Variants in ADCY3 observed in about 807,000 individuals in gnomAD.
The protein encoded by ADCY3 is adenylate cyclase 3.
ADCY3 carries 70 observed loss-of-function variants against 119.4 expected under a neutral mutation model. The ratio of observed to expected loss-of-function variants is 0.59; its 90% CI spans 0.48 to 0.72. The LOEUF is 0.72. ADCY3 is among the 30% of genes least tolerant of loss of function. The pLI is 0.00. For missense variants in ADCY3, 1,238 were observed against 1,541.6 expected, an observed-to-expected ratio of 0.80 and a Z score of 3.30; for synonymous variants, 672 against 621.4, an observed-to-expected ratio of 1.08 and a Z score of -1.21.
rs1421724973 is a variant in ADCY3 at position 24,842,731 on chromosome 2, C to T, written c.826-347G>A. 3.3e-6 allele frequency: 1 copy of T among 300,812 alleles called. No individual in the cohort carries two copies. Among genetic ancestry groups the T allele is most frequent in the Non-Finnish European group, 6.5e-6 (1 of 153,834 alleles). 18.6% of individuals were successfully genotyped at this position (300,812 alleles called of 1,614,324 possible). ...CACCGTGAGCCCTCCCGGCAGGAGC[C>T]CTGCGGGGTCACCTCAGCCACCCGC... On this transcript the variant is annotated intron_variant, in intron 3 of 21. Transcript: ENST00000679454. This position sits in a 1 kb window ranked among gnomAD's most constrained non-coding sequence, Gnocchi z 4.9.
At chr2:24,865,762 A>C (rs2148764375) in intron 3 of ADCY3, among the ~76,000 whole-genome samples, 1 of 152,344 alleles carries the variant, frequency 6.6e-6, no homozygotes, top group African/African-American at 2.4e-5. Context: ...GATAAAATAC[A>C]TAAAAAGAAC....
chr2:24,883,451 TGGGCTGGCCAC>T (rs2148889650), intron 2 of ADCY3, among the ~76,000 whole-genome samples: 1 of 152,308 alleles, frequency 6.6e-6, no homozygotes, highest in South Asian at 2.1e-4. Flanking sequence ...AAGGAAAGCT[TGGGCTGGCCAC>T]ACTCAGTTGG....
chr2:24,825,921 G>A (rs533991721), intron 16 of ADCY3, 124 bp downstream of exon 16: 330 of 889,586 alleles, frequency 3.7e-4, no homozygotes, highest in African/African-American at 7.1e-4. Flanking sequence ...CCAGGCTCAC[G>A]TGTGGGGCTG....
Position 24,841,607 on chromosome 2 carries a change from C to T in ADCY3, c.1017G>A (p.Glu339=), listed in dbSNP as rs1236895062. The T allele has an allele frequency of 5.0e-6, 8 of 1,613,582 alleles. No homozygotes were observed. The highest frequency in any genetic ancestry group is 6.8e-6 in the Non-Finnish European group (8 of 1,180,012). ...TQLSSACSAQ[E]LVKLLNELFA... ...AGAGCTCGTTGAGCAGCTTCACAAG[C>T]TCCTGGGCACTGCAGGCAGAAGACA... The change falls in exon 5 of 22, where the codon GAG becomes GAA. Residue 339 remains glutamate, a synonymous_variant. Transcript: ENST00000679454. The surrounding 1 kb of genome is among the most constrained non-coding windows in gnomAD (Gnocchi z 5.8).
chr2:24,910,018 C>G (rs1663383823), intron 2 of ADCY3, among the ~76,000 whole-genome samples: 1 of 152,134 alleles, frequency 6.6e-6, no homozygotes, highest in African/African-American at 2.4e-5. Flanking sequence ...AGGAGGAGCT[C>G]TGAGGCTCCA....
intron 3 of ADCY3, among the ~76,000 whole-genome samples, chr2:24,858,050 GTGC>G (rs1160558504): frequency 6.9e-6 from 1 of 145,598 alleles, no homozygotes; most frequent in Non-Finnish European, 1.5e-5. Flanking sequence ...CCAGGCTGGA[GTGC>G]TGAAGTGTAG....
intron 3 of ADCY3, among the ~76,000 whole-genome samples, chr2:24,868,512 G>A (rs1421692141): frequency 1.3e-5 from 2 of 151,854 alleles, no homozygotes; most frequent in Non-Finnish European, 2.9e-5. Flanking sequence ...TTAGCCGGGC[G>A]TGTTCCCAGC....
rs1399963273 is a variant in ADCY3 at position 24,899,081 on chromosome 2, C to A, written c.675+19232G>T. Among the ~76,000 whole-genome samples, 1 of 152,150 alleles carries A rather than the reference C, an allele frequency of 6.6e-6. No individual in the cohort carries two copies. The highest frequency in any genetic ancestry group is 1.9e-4 in the East Asian group (1 of 5,182). On this transcript the variant is annotated intron_variant, in intron 2 of 21. Transcript: ENST00000679454. This position sits in a 1 kb window ranked among gnomAD's most constrained non-coding sequence, Gnocchi z 4.5. ...TTCCAATGTCCCCCTACCCCTCCCA[C>A]CTTTTCCCAGCTCACCTGTCTCTAC...
intron 3 of ADCY3, among the ~76,000 whole-genome samples, chr2:24,855,517 G>A (rs1558459219): frequency 6.6e-6 from 1 of 152,140 alleles, no homozygotes; most frequent in Non-Finnish European, 1.5e-5. Context: ...GCCCAGATGT[G>A]GTTCTGCACA....
intron 21 of ADCY3, 126 bp from the exon 22 acceptor site, chr2:24,820,240 C>T: frequency 8.3e-7 from 1 of 1,207,244 alleles, no homozygotes; most frequent in Non-Finnish European, 1.1e-6. Context: ...GGACACTCCC[C>T]AAACCTCCCA....
intron 12 of ADCY3, 41 bp downstream of exon 12, chr2:24,831,621 C>A (rs771625981): frequency 6.5e-7 from 1 of 1,528,568 alleles, no homozygotes; most frequent in Non-Finnish European, 9.1e-7. Flanking sequence ...GTGCCACTCA[C>A]TTCCAGAGGC....
intron 7 of ADCY3, among the ~76,000 whole-genome samples, chr2:24,839,458 A>C (rs1670736879): frequency 6.6e-6 from 1 of 152,204 alleles, no homozygotes. Flanking sequence ...AAGGCGTGTA[A>C]TCGCACTGCG....
rs946238284 is a variant in ADCY3 at position 24,872,869 on chromosome 2, C to T, written c.676-150G>A. 5.6e-5 allele frequency: 50 copies of T among 894,964 alleles called. No homozygotes were observed. Among genetic ancestry groups the T allele is most frequent in the Non-Finnish European group, 8.1e-5 (48 of 594,764 alleles). 55.4% of individuals were successfully genotyped at this position (894,964 alleles called of 1,614,324 possible). On this transcript the variant is annotated intron_variant, in intron 2 of 21. Coordinates refer to ENST00000679454, the MANE Select transcript of ADCY3 (RefSeq NM_004036.5). This position sits in a 1 kb window ranked among gnomAD's most constrained non-coding sequence, Gnocchi z 4.4. ...TGTCCAGGGAGGGGCCCAGCACAGC[C>T]TTGGACCCCAGAGCCTCAGACACCA...
rs893784214 is a variant in ADCY3 at position 24,834,550 on chromosome 2, A to G, written c.1902T>C (p.Ala634=). Residue 634 remains alanine (A), a synonymous_variant, in exon 11 of 22, where the codon GCT becomes GCC. Transcript: ENST00000679454. This position sits in a 1 kb window ranked among gnomAD's most constrained non-coding sequence, Gnocchi z 4.2. ...YSVEKEKQSG[A]AFSCSCVVLL... The stretch of plus-strand genomic sequence containing the variant: ...GGACGACGCAGGAGCAGCTGAAGGC[A>G]GCCCCACTCTGCTTCTCCTTCTCCA... 1.9e-6 allele frequency: 3 copies of G among 1,613,976 alleles called. No homozygotes were observed. The highest frequency in any genetic ancestry group is 3.3e-5 in the Admixed American group (2 of 60,022).
chr2:24,867,339 G>C (rs975685402), intron 3 of ADCY3, among the ~76,000 whole-genome samples: 3 of 152,238 alleles, frequency 2.0e-5, no homozygotes, highest in Non-Finnish European at 4.4e-5. Context: ...GAATGTGTCT[G>C]TTCAAAATTC....
At chr2:24,855,443 C>A (rs1191184982) in intron 3 of ADCY3, among the ~76,000 whole-genome samples, 1 of 152,170 alleles carries the variant, frequency 6.6e-6, no homozygotes, top group Non-Finnish European at 1.5e-5. Flanking sequence ...AAGAGCCGAG[C>A]AGGGGTGGAA....
chr2:24,890,760 G>A (rs1677560498), intron 2 of ADCY3, among the ~76,000 whole-genome samples: 1 of 152,068 alleles, frequency 6.6e-6, no homozygotes, highest in African/African-American at 2.4e-5. Context: ...TCACTGATTT[G>A]TAATGTTTTC....
chr2:24,820,631 C>T, intron 21 of ADCY3, 93 bp downstream of exon 21: 2 of 1,569,766 alleles, frequency 1.3e-6, no homozygotes, highest in African/African-American at 1.3e-5. Context: ...TGTTCAGGGC[C>T]AGGGTGGGAG....
At position 24,833,889 on chromosome 2, in the gene ADCY3, C is replaced by T. The variant is rs181783648; in HGVS notation, c.1967+596G>A. 3.4e-3 allele frequency among the ~76,000 whole-genome samples: 513 copies of T among 152,384 alleles called. 4 individuals are homozygous for T. Among genetic ancestry groups the T allele is most frequent in the Non-Finnish European group, 6.0e-3 (410 of 68,040 alleles). ...GACCCAGCCCAAGGCTCCTGACAAA[C>T]TGTAATCCCAGCAGGGTTCCAGACC... On this transcript the variant is annotated intron_variant, in intron 11 of 21. Coordinates refer to ENST00000679454, the MANE Select transcript of ADCY3 (RefSeq NM_004036.5).
Sources: allele counts gnomAD v4.1 joint callset (sites outside exome capture counted in the v4.1 genomes callset), GRCh38; gene constraint gnomAD v4.1.1; non-coding constraint Gnocchi (gnomAD v3.1); transcripts MANE v1.5; gene names NCBI Gene and HGNC (gene_info 2026-07-23, HGNC 2026-07-21).